Variants in ADGRV1 observed in about 807,000 individuals in gnomAD.
The protein encoded by ADGRV1 is G-protein coupled receptor 98.
A neutral mutation model predicts 596.2 loss-of-function variants in ADGRV1; 359 were observed. The observed-to-expected ratio is 0.60, with a 90% CI of 0.55 to 0.66. The LOEUF is 0.66. Ranked by LOEUF, ADGRV1 falls within the 30% of genes least tolerant of loss-of-function variation. The pLI, the probability that ADGRV1 is intolerant of heterozygous loss-of-function variation, is 0.00. For missense variants in ADGRV1, 7,274 were observed against 7,575.6 expected, an observed-to-expected ratio of 0.96 and a Z score of 1.48; for synonymous variants, 2,681 against 2,679.2, an observed-to-expected ratio of 1.00 and a Z score of -0.02.
rs370973807 is a variant in ADGRV1 at position 90,689,839 on chromosome 5, A to G, written c.6491-22A>G. ...TTGATCATATTTTAGAAGTCTTAACATTTTACTTTTGGTCTTTTCAGGTGA... is the reference window on the plus strand; with the variant it reads ...TTGATCATATTTTAGAAGTCTTAACGTTTTACTTTTGGTCTTTTCAGGTGA... On this transcript the variant is annotated intron_variant, in intron 29 of 89. Transcript: ENST00000405460. 2.9e-4 allele frequency: 458 copies of G among 1,555,872 alleles called. 2 individuals are homozygous for G. The highest frequency in any genetic ancestry group is 1.6e-4 in the Non-Finnish European group (179 of 1,132,042).
intron 83 of ADGRV1, among the ~76,000 whole-genome samples, chr5:90,922,110 C>A (rs12054681): frequency 0.28 from 42,056 of 152,094 alleles, 6,386 homozygotes; most frequent in Non-Finnish European, 0.34. Context: ...CGTATCTGTG[C>A]CACACATAGG....
intron 84 of ADGRV1, among the ~76,000 whole-genome samples, chr5:90,975,681 C>T (rs1195425184): frequency 1.3e-5 from 2 of 152,080 alleles, no homozygotes; most frequent in Non-Finnish European, 2.9e-5. Context: ...GCAAGGGGAA[C>T]ATCACACACC....
At chr5:90,878,267 C>T (rs547337805) in intron 83 of ADGRV1, among the ~76,000 whole-genome samples, 1 of 152,318 alleles carries the variant, frequency 6.6e-6, no homozygotes, top group East Asian at 1.9e-4. Context: ...GCTTCACAAT[C>T]GGTCACTGAT....
intron 6 of ADGRV1, among the ~76,000 whole-genome samples, chr5:90,626,742 C>G (rs1764814801): frequency 6.6e-6 from 1 of 152,216 alleles, no homozygotes; most frequent in Non-Finnish European, 1.5e-5. Context: ...ACGTGTTTAA[C>G]TCCTGAATTA....
chr5:90,717,971 T>G (rs1750380214), intron 43 of ADGRV1: 1 of 152,224 alleles, frequency 6.6e-6, no homozygotes, highest in African/African-American at 2.4e-5. Flanking sequence ...TTGACTCATT[T>G]TTTATTGTGG....
intron 78 of ADGRV1, among the ~76,000 whole-genome samples, chr5:90,843,151 A>T (rs1330826893): frequency 6.6e-6 from 1 of 152,172 alleles, no homozygotes; most frequent in Non-Finnish European, 1.5e-5. Flanking sequence ...TTATTTTTAC[A>T]TTGATAAAAT....
At position 90,627,748 on chromosome 5, in the gene ADGRV1, G is replaced by A. The variant is rs780748586; in HGVS notation, c.1210G>A (p.Val404Ile). ...CAACAGTGTTTTGTTTGAAAGGACAGTTATAATTGATGAAGATAGAATATC... is the reference window on the plus strand; with the variant it reads ...CAACAGTGTTTTGTTTGAAAGGACAATTATAATTGATGAAGATAGAATATC... ...SFNSVLFERT[V>I]IIDEDRISRY... Residue 404 changes from valine to isoleucine, a missense_variant, in exon 7 of 90, where the codon GTT becomes ATT. Physicochemically the swap from Val to Ile is conservative, Grantham distance 29. Transcript: ENST00000405460. The A allele has an allele frequency of 1.9e-5, 30 of 1,560,500 alleles. No homozygotes were observed. The highest frequency in any genetic ancestry group is 5.5e-5 in the African/African-American group (4 of 72,792).
At chr5:90,902,070 T>TTAC (rs1461364388) in intron 83 of ADGRV1, among the ~76,000 whole-genome samples, 1 of 152,084 alleles carries the variant, frequency 6.6e-6, no homozygotes, top group Non-Finnish European at 1.5e-5. Context: ...ATTTTGAAGG[T>TTAC]AAAGCTAACA....
chr5:90,705,481 A>G lies in ADGRV1; in HGVS notation c.8468A>G (p.His2823Arg), dbSNP rs773729670. The G allele has an allele frequency of 6.2e-7, 1 of 1,613,910 alleles. No individual in the cohort carries two copies. The highest frequency in any genetic ancestry group is 8.5e-7 in the Non-Finnish European group (1 of 1,179,804). Residue 2823 changes from histidine (H) to arginine (R), a missense_variant, in exon 37 of 90, where the codon CAT becomes CGT. By Grantham distance (29) the His-to-Arg change is conservative (BLOSUM62 0). Transcript: ENST00000405460. ...VLTVEASDEP[H>R]GVLNFALSSR... Reference sequence around the variant, plus strand: ...ACAGTAGAAGCCAGTGATGAACCACATGGAGTTTTAAATTTTGCTCTTTCA... The same window carrying G: ...ACAGTAGAAGCCAGTGATGAACCACGTGGAGTTTTAAATTTTGCTCTTTCA...
intron 75 of ADGRV1, among the ~76,000 whole-genome samples, chr5:90,820,815 G>A (rs1022143434): frequency 2.2e-4 from 33 of 152,126 alleles, no homozygotes; most frequent in Non-Finnish European, 4.6e-4. Context: ...CCCTATGAGG[G>A]TAACCCGACC....
intron 83 of ADGRV1, among the ~76,000 whole-genome samples, chr5:90,931,954 A>G (rs534148529): frequency 2.0e-3 from 303 of 152,326 alleles, no homozygotes; most frequent in African/African-American, 6.8e-3. Flanking sequence ...CACAAAGTTG[A>G]AACAGCAAAG....
intron 83 of ADGRV1, among the ~76,000 whole-genome samples, chr5:90,873,462 CTA>C (rs1768902605): frequency 6.6e-6 from 1 of 152,218 alleles, no homozygotes; most frequent in African/African-American, 2.4e-5. Context: ...GATGTGGAAA[CTA>C]TGAGAAATTC....
chr5:90,752,144 G>A (rs1270587160), intron 53 of ADGRV1, among the ~76,000 whole-genome samples: 3 of 152,078 alleles, frequency 2.0e-5, no homozygotes, highest in Non-Finnish European at 4.4e-5. Context: ...GGCAATATAA[G>A]CAATATTAGC....
In ADGRV1 at chr5:90,750,547, TCAGAA is replaced by T; in HGVS notation, c.10975-3_10976del. On this transcript the variant is annotated splice_acceptor_variant and splice_polypyrimidine_tract_variant and coding_sequence_variant and intron_variant, in exon 53 of 90. Transcript: ENST00000405460. LOFTEE classifies it high-confidence loss of function. ...CCCTTGTGACTTTCTGTGTATTTTT[TCAGAA>T]TTCATTATATAAGCAAGTGGAAGAA... 6.3e-7 allele frequency: 1 copy of T among 1,593,142 alleles called. No individual in the cohort carries two copies. Among genetic ancestry groups the T allele is most frequent in the South Asian group, 1.1e-5 (1 of 87,294 alleles).
intron 86 of ADGRV1, among the ~76,000 whole-genome samples, chr5:91,079,724 T>G (rs1402917106): frequency 6.6e-6 from 1 of 152,242 alleles, no homozygotes; most frequent in Non-Finnish European, 1.5e-5. Flanking sequence ...CCTGGATTTC[T>G]TACTTTAGTG....
At position 90,647,730 on chromosome 5, in the gene ADGRV1, T is replaced by C. The variant is rs183447491; in HGVS notation, c.3255T>C (p.Asp1085=). ...ATGAAGATGGTATCCCGGAAACAGA[T>C]GAGCCCTTTTATATAATCCTCTTGA... is the stretch of plus-strand genomic sequence containing the variant. ...FVNEDGIPET[D]EPFYIILLNS... is the part of the protein sequence containing the mutation. Residue 1085 remains aspartate (D), a synonymous_variant, in exon 17 of 90, where the codon GAT becomes GAC. Transcript: ENST00000405460. The C allele has an allele frequency of 2.2e-3, 3,560 of 1,613,758 alleles. 9 individuals are homozygous for C. The highest frequency in any genetic ancestry group is 2.6e-3 in the Non-Finnish European group (3,122 of 1,179,682).
chr5:91,014,175 C>CACACACACACACACACACACA lies in ADGRV1; in HGVS notation c.18152+28653_18152+28654insACACACACACACACACACACA, dbSNP rs56200811. Among the ~76,000 whole-genome samples the CACACACACACACACACACACA allele has an allele frequency of 1.4e-3, 206 of 143,464 alleles. 1 individual carries two copies. Among genetic ancestry groups the CACACACACACACACACACACA allele is most frequent in the Middle Eastern group, 3.5e-3 (1 of 286 alleles). 94.1% of individuals were successfully genotyped at this position (143,464 alleles called of 152,430 possible). On this transcript the variant is annotated intron_variant, in intron 85 of 89. Coordinates refer to ENST00000405460, the MANE Select transcript of ADGRV1 (RefSeq NM_032119.4). ...ACACACACACACACACACACACACACCCCTAGACATACAGCTAACCAGGGA... is the reference window on the plus strand; with the variant it reads ...ACACACACACACACACACACACACACACACACACACACACACACACACCCTAGACATACAGCTAACCAGGGA...
intron 60 of ADGRV1, among the ~76,000 whole-genome samples, chr5:90,774,948 T>G (rs147119079): frequency 6.6e-6 from 1 of 152,336 alleles, no homozygotes; most frequent in East Asian, 1.9e-4. Flanking sequence ...TATGTACGTC[T>G]GTTTTCATCT....
At position 90,644,954 on chromosome 5, in the gene ADGRV1, A is replaced by G. The variant is rs16868903; in HGVS notation, c.2898+85A>G. 163,507 of 959,356 alleles carry G rather than the reference A, an allele frequency of 0.17. 15,418 individuals carry two copies. The highest frequency in any genetic ancestry group is 0.39 in the East Asian group (13,578 of 35,190). 59.4% of individuals were successfully genotyped at this position (959,356 alleles called of 1,614,324 possible). ...ATTAAATAATTAAACATCTGGTAAT[A>G]TATTTTGTGATAAAAGTTTGTAATA... On this transcript the variant is annotated intron_variant, in intron 15 of 89. Transcript: ENST00000405460.
Sources: allele counts gnomAD v4.1 joint callset (sites outside exome capture counted in the v4.1 genomes callset), GRCh38; gene constraint gnomAD v4.1.1; transcripts MANE v1.5; gene names NCBI Gene and HGNC (gene_info 2026-07-23, HGNC 2026-07-21).